Variants in FGF14 observed in about 807,000 individuals in gnomAD.
The protein encoded by FGF14 is fibroblast growth factor 14.
A neutral mutation model predicts 25.5 loss-of-function variants in FGF14; 5 were observed. That is an observed-to-expected ratio of 0.20 (90% CI 0.10 to 0.41). The LOEUF is 0.41. Ranked by LOEUF, FGF14 falls within the 10% of genes least tolerant of loss-of-function variation. The probability of loss-of-function intolerance (pLI) is 1.00; values close to 1 mark genes in which losing one functional copy is unlikely to be tolerated. For synonymous variants in FGF14, 138 were observed against 118.3 expected (o/e 1.17, Z -1.08); for missense variants, 222 against 320.1 (o/e 0.69, Z 2.34).
chr13:101,727,814 A>C (rs1044621204), intron 3 of FGF14, among the ~76,000 whole-genome samples: 1 of 152,100 alleles, frequency 6.6e-6, no homozygotes, highest in African/African-American at 2.4e-5. Flanking sequence ...AATAGGTCCA[A>C]CACTGTGCTA....
At position 101,895,588 on chromosome 13, in the gene FGF14, A is replaced by C. The variant is rs184346841; in HGVS notation, c.194-20292T>G. Among the ~76,000 whole-genome samples the C allele has an allele frequency of 7.0e-4, 106 of 152,362 alleles. 1 individual carries two copies. The highest frequency in any genetic ancestry group is 2.5e-3 in the African/African-American group (102 of 41,598). On this transcript the variant is annotated intron_variant, in intron 1 of 4. Transcript: ENST00000376143. ...CAAGTGAAAGATGATTACTCTCATC[A>C]GAAGGGTCACTGAAGTGCAAACATA...
chr13:102,307,237 C>T (rs539351321), intron 1 of FGF14, among the ~76,000 whole-genome samples: 1 of 152,098 alleles, frequency 6.6e-6, no homozygotes, highest in East Asian at 1.9e-4. Flanking sequence ...TTCCAACATC[C>T]AAGTGAGCAA....
chr13:102,022,444 A>G (rs955170007), intron 1 of FGF14, among the ~76,000 whole-genome samples: 1 of 152,112 alleles, frequency 6.6e-6, no homozygotes, highest in Non-Finnish European at 1.5e-5. Context: ...AAACTCGCTC[A>G]AAGAGATGGC....
At chr13:102,114,208 T>C (rs1007084080) in intron 1 of FGF14, among the ~76,000 whole-genome samples, 1 of 152,258 alleles carries the variant, frequency 6.6e-6, no homozygotes, top group Admixed American at 6.5e-5. Flanking sequence ...TTACTGTATG[T>C]CTTTCTGAAG....
intron 3 of FGF14, among the ~76,000 whole-genome samples, chr13:101,863,884 G>T (rs1266984303): frequency 1.3e-5 from 2 of 152,070 alleles, no homozygotes; most frequent in East Asian, 3.9e-4. Flanking sequence ...ATGCCTGGGT[G>T]CTCTTGGAAA....
At chr13:101,960,782 T>C (rs1284351125) in intron 1 of FGF14, among the ~76,000 whole-genome samples, 1 of 152,214 alleles carries the variant, frequency 6.6e-6, no homozygotes, top group Non-Finnish European at 1.5e-5. Context: ...TCTTCTACAA[T>C]GGTTGAACTA....
intron 1 of FGF14, among the ~76,000 whole-genome samples, chr13:102,058,256 C>A (rs1215929982): frequency 1.3e-5 from 2 of 152,156 alleles, no homozygotes; most frequent in Admixed American, 1.3e-4. Context: ...TATTAACAAT[C>A]TCTTTGTTTT....
intron 1 of FGF14, among the ~76,000 whole-genome samples, chr13:102,377,483 C>T (rs765792425): frequency 8.6e-5 from 13 of 152,032 alleles, no homozygotes; most frequent in Non-Finnish European, 1.8e-4. Context: ...TATTAGAGTA[C>T]ATACAAGAAA....
chr13:102,211,818 T>C (rs542111550), intron 1 of FGF14, among the ~76,000 whole-genome samples: 1 of 152,346 alleles, frequency 6.6e-6, no homozygotes, highest in African/African-American at 2.4e-5. Context: ...GCAGAGGAGC[T>C]GGGCAAGCAC....
chr13:102,000,640 T>A (rs2039441711), intron 1 of FGF14, among the ~76,000 whole-genome samples: 2 of 152,226 alleles, frequency 1.3e-5, no homozygotes, highest in South Asian at 4.1e-4. Context: ...GCTGGCTTTA[T>A]CTAGTCCATA....
chr13:101,869,619 T>G (rs1420042053), intron 2 of FGF14, among the ~76,000 whole-genome samples: 1 of 152,200 alleles, frequency 6.6e-6, no homozygotes, highest in Non-Finnish European at 1.5e-5. Flanking sequence ...GAGATTTTAT[T>G]ATAGATACAT....
At chr13:102,088,360 T>C (rs890077532) in intron 1 of FGF14, among the ~76,000 whole-genome samples, 3 of 152,210 alleles carry the variant, frequency 2.0e-5, no homozygotes, top group Non-Finnish European at 2.9e-5. Flanking sequence ...GAATTACTTA[T>C]TTTATATTAA....
intron 3 of FGF14, among the ~76,000 whole-genome samples, chr13:101,753,168 A>G (rs756826150): frequency 1.5e-4 from 23 of 152,132 alleles, no homozygotes; most frequent in Non-Finnish European, 2.9e-4. Context: ...CAACATTTTA[A>G]ATATATAAGT....
At chr13:101,918,519 C>A (rs2033748500), upstream of FGF14, among the ~76,000 whole-genome samples, 1 of 152,202 alleles carries the variant, frequency 6.6e-6, no homozygotes, top group African/African-American at 2.4e-5. Flanking sequence ...GCACACTACG[C>A]AGGCAGCCCT....
chr13:101,772,178 G>C (rs1457904629), intron 3 of FGF14, among the ~76,000 whole-genome samples: 2 of 151,918 alleles, frequency 1.3e-5, no homozygotes, highest in Non-Finnish European at 2.9e-5. Context: ...TAAAAAAGAA[G>C]AACCCACAAA....
At chr13:101,888,837 A>ATCT (rs1422517879) in intron 1 of FGF14, among the ~76,000 whole-genome samples, 1 of 135,266 alleles carries the variant, frequency 7.4e-6, no homozygotes, top group Non-Finnish European at 1.7e-5. Context: ...GTGTGAAAGC[A>ATCT]TCAAAGGGAG....
At chr13:102,067,556 C>T (rs148310220) in intron 1 of FGF14, among the ~76,000 whole-genome samples, 11 of 151,432 alleles carry the variant, frequency 7.3e-5, no homozygotes, top group East Asian at 3.9e-4. Context: ...CCCAAGAGCA[C>T]GCTTCCCAAG....
At chr13:101,845,666 C>T (rs948399930) in intron 3 of FGF14, among the ~76,000 whole-genome samples, 1 of 151,874 alleles carries the variant, frequency 6.6e-6, no homozygotes, top group Non-Finnish European at 1.5e-5. Flanking sequence ...GACTTGTAAA[C>T]AAATGCTTAT....
At chr13:101,836,274 C>T (rs2042923807) in intron 3 of FGF14, among the ~76,000 whole-genome samples, 1 of 152,054 alleles carries the variant, frequency 6.6e-6, no homozygotes, top group South Asian at 2.1e-4. Context: ...TAAGATTCTA[C>T]CTGACTGTAT....
Sources: gnomAD v4.1 joint callset for allele counts (sites outside exome capture counted in the v4.1 genomes callset) on GRCh38, gnomAD v4.1.1 for gene constraint, MANE v1.5 for transcripts, NCBI Gene and HGNC (gene_info 2026-07-23, HGNC 2026-07-21) for gene names.